DIS3L2: variants seen among roughly 807,000 people sequenced by gnomAD.
DIS3L2 encodes the protein DIS3-like exonuclease 2.
In DIS3L2, 34 loss-of-function variants were observed where a neutral mutation model predicts 97.5. The observed-to-expected ratio is 0.35, with a 90% confidence interval of 0.27 to 0.46. The LOEUF is 0.46. Among genes scored for constraint, DIS3L2 ranks in the 20% least tolerant of loss-of-function variants. The probability of loss-of-function intolerance (pLI) is 1.00; values close to 1 mark genes in which losing one functional copy is unlikely to be tolerated. For synonymous variants in DIS3L2, 435 were observed against 445.2 expected (o/e 0.98, Z 0.29); for missense variants, 1,038 against 1,146.0 (o/e 0.91, Z 1.36).
intron 5 of DIS3L2, among the ~76,000 whole-genome samples, chr2:232,065,669 T>C (rs1695835362): frequency 6.6e-6 from 1 of 152,028 alleles, no homozygotes; most frequent in Non-Finnish European, 1.5e-5. Context: ...CTCCTGTGTA[T>C]ATTGATGGGA....
chr2:232,301,353 G>A lies in DIS3L2; in HGVS notation c.1739+1234G>A, dbSNP rs1245518996. On this transcript the variant is annotated intron_variant, in intron 14 of 20. Transcript: ENST00000325385. ...AAGAGCAGTCCCATCCTGGACTTAA[G>A]GAGAATGTACTCTGGTCTCATTGTC... Among the ~76,000 whole-genome samples the A allele has an allele frequency of 2.0e-5, 3 of 148,886 alleles. No individual in the cohort carries two copies. The East Asian group carries it at 5.8e-4, about 29-fold the overall frequency.
rs575832633 is a variant in DIS3L2 at position 232,169,316 on chromosome 2, A to G, written c.1124+5684A>G. Among the ~76,000 whole-genome samples, 4 of 152,278 alleles carry G rather than the reference A, an allele frequency of 2.6e-5. No individual in the cohort carries two copies. The East Asian group carries it at 5.8e-4, about 22-fold the overall frequency. On this transcript the variant is annotated intron_variant, in intron 9 of 20. Transcript: ENST00000325385. Reference sequence around the variant, plus strand: ...TTATTTGCACATATTGTTTATATATAGTATATGTCATATATGCCGTATATG... The same window carrying G: ...TTATTTGCACATATTGTTTATATATGGTATATGTCATATATGCCGTATATG...
intron 16 of DIS3L2, 79 bp from the exon 17 acceptor site, chr2:232,333,761 G>GTGA: frequency 6.9e-7 from 1 of 1,443,696 alleles, no homozygotes; most frequent in South Asian, 1.5e-5. Flanking sequence ...CCGACGGTGA[G>GTGA]GCTGTGGGTG....
intron 1 of DIS3L2, among the ~76,000 whole-genome samples, chr2:231,989,847 A>AC (rs2106189694): frequency 6.6e-6 from 1 of 152,222 alleles, no homozygotes; most frequent in Admixed American, 6.5e-5. Flanking sequence ...TGTCTCAAAC[A>AC]ACAACAACAA....
In DIS3L2 at chr2:232,134,582, T is replaced by C. The variant is rs1446339182; in HGVS notation, c.703-1890T>C. On this transcript the variant is annotated intron_variant, in intron 7 of 20. Transcript: ENST00000325385. ...GCTCACGCCCATAATCCCAGCACTT[T>C]GGGAGGCCAAGGCGGGCAGATCTCT... Among the ~76,000 whole-genome samples the C allele has an allele frequency of 1.3e-5, 2 of 152,124 alleles. 1 individual carries two copies. Among genetic ancestry groups the C allele is most frequent in the African/African-American group, 4.8e-5 (2 of 41,420 alleles).
chr2:232,156,418 G>A (rs1690496270), intron 8 of DIS3L2, among the ~76,000 whole-genome samples: 1 of 151,522 alleles, frequency 6.6e-6, no homozygotes, highest in Non-Finnish European at 1.5e-5. Flanking sequence ...TCATTTCTGT[G>A]GTTATATGCT....
At position 231,962,960 on chromosome 2, in the gene DIS3L2, A is replaced by AT. The variant is rs35614398; in HGVS notation, c.-94+1205dup. The stretch of plus-strand genomic sequence containing the variant: ...ATAGTATTCCATCCTGTACATCCAC[A>AT]TTTTTTTTTTCCAGTCCACCATTGA... On this transcript the variant is annotated intron_variant, in intron 1 of 20. Coordinates refer to ENST00000325385, the MANE Select transcript of DIS3L2 (RefSeq NM_152383.5). 4.5e-3 allele frequency among the ~76,000 whole-genome samples: 675 copies of AT among 149,054 alleles called. 8 individuals carry two copies. The highest frequency in any genetic ancestry group is 0.028 in the Admixed American group (422 of 14,978).
intron 1 of DIS3L2, among the ~76,000 whole-genome samples, chr2:231,975,725 A>AAG (rs1263930280): frequency 6.6e-6 from 1 of 151,268 alleles, no homozygotes; most frequent in African/African-American, 2.4e-5. Context: ...AAAAAAAAAA[A>AAG]AAAGATGAGG....
At chr2:232,004,647 C>G (rs1258935069) in intron 1 of DIS3L2, among the ~76,000 whole-genome samples, 1 of 149,140 alleles carries the variant, frequency 6.7e-6, no homozygotes, top group African/African-American at 2.5e-5. Context: ...GTGGCGTGTT[C>G]TTGGCTCAGT....
intron 13 of DIS3L2, among the ~76,000 whole-genome samples, chr2:232,273,477 A>T (rs1033096899): frequency 6.6e-6 from 1 of 152,182 alleles, no homozygotes; most frequent in African/African-American, 2.4e-5. Flanking sequence ...ATATAAGAGG[A>T]TTAGATACAT....
At chr2:232,337,322 AC>A (rs1310535618), downstream of DIS3L2, 12 of 389,056 alleles carry the variant, frequency 3.1e-5, no homozygotes, top group Non-Finnish European at 4.2e-5. Flanking sequence ...GTCCTGTGAT[AC>A]CCCCTCCCCT....
At position 232,284,727 on chromosome 2, in the gene DIS3L2, G is replaced by A. The variant is rs538161579; in HGVS notation, c.1660-15313G>A. Among the ~76,000 whole-genome samples the A allele has an allele frequency of 2.3e-4, 35 of 152,166 alleles. No homozygotes were observed. The South Asian group carries it at 7.3e-3, about 32-fold the overall frequency. ...GGAATCTCTCCTGAGTGCATCCATC[G>A]TTCAGATCCTTGCTGTCCTGCCAGA... On this transcript the variant is annotated intron_variant, in intron 13 of 20. Coordinates refer to ENST00000325385, the MANE Select transcript of DIS3L2 (RefSeq NM_152383.5).
intron 13 of DIS3L2, among the ~76,000 whole-genome samples, chr2:232,288,629 T>C (rs1482690724): frequency 2.6e-5 from 4 of 152,156 alleles, no homozygotes; most frequent in African/African-American, 9.7e-5. Flanking sequence ...TGAGGCCAAT[T>C]CCCTGGAAGA....
intron 1 of DIS3L2, among the ~76,000 whole-genome samples, chr2:231,966,744 C>G (rs1239251676): frequency 7.1e-6 from 1 of 140,286 alleles, no homozygotes; most frequent in East Asian, 2.1e-4. Flanking sequence ...ATCCTCCTGC[C>G]TCAGCCTCTC....
intron 12 of DIS3L2, among the ~76,000 whole-genome samples, chr2:232,262,316 GT>G (rs1243909277): frequency 1.3e-5 from 2 of 152,094 alleles, no homozygotes; most frequent in Non-Finnish European, 2.9e-5. Flanking sequence ...TCCCCAAAAT[GT>G]TTTAATGTCC....
At chr2:232,187,494 G>A (rs1691473630) in intron 9 of DIS3L2, among the ~76,000 whole-genome samples, 1 of 152,132 alleles carries the variant, frequency 6.6e-6, no homozygotes, top group Non-Finnish European at 1.5e-5. Flanking sequence ...TCAGGCTGGA[G>A]TGCAGTGGTG....
intron 5 of DIS3L2, among the ~76,000 whole-genome samples, chr2:232,073,675 G>C (rs1450802783): frequency 6.6e-6 from 1 of 152,162 alleles, no homozygotes; most frequent in Non-Finnish European, 1.5e-5. Flanking sequence ...CAGCATAATG[G>C]AAAGGTTACC....
intron 5 of DIS3L2, among the ~76,000 whole-genome samples, chr2:232,053,458 T>G (rs1386416706): frequency 6.6e-6 from 1 of 152,184 alleles, no homozygotes; most frequent in Non-Finnish European, 1.5e-5. Context: ...GTGTCCTACA[T>G]TTTAACTCAA....
chr2:232,240,162 A>G (rs919680464), intron 11 of DIS3L2, among the ~76,000 whole-genome samples: 1 of 152,136 alleles, frequency 6.6e-6, no homozygotes, highest in Non-Finnish European at 1.5e-5. Flanking sequence ...GGCCCTACCT[A>G]GGAAGACCTG....
Sources: gnomAD v4.1 joint callset for allele counts (sites outside exome capture counted in the v4.1 genomes callset) on GRCh38, gnomAD v4.1.1 for gene constraint, MANE v1.5 for transcripts, NCBI Gene and HGNC (gene_info 2026-07-23, HGNC 2026-07-21) for gene names.